ATP8B4: variants seen among roughly 807,000 people sequenced by gnomAD.
ATP8B4 encodes the protein ATPase phospholipid transporting 8B4 (putative), also known as probable phospholipid-transporting ATPase IM.
In ATP8B4, 133 loss-of-function variants were observed where a neutral mutation model predicts 145.6. The observed-to-expected ratio is 0.91, with a 90% CI of 0.79 to 1.05. ATP8B4 has a LOEUF of 1.05. Ranked by LOEUF, ATP8B4 falls within the 50% of genes least tolerant of loss-of-function variation. ATP8B4 has a pLI of 0.00. For synonymous variants in ATP8B4, 507 were observed against 492.9 expected, an observed-to-expected ratio of 1.03 and a Z score of -0.38; for missense variants, 1,458 against 1,425.2, an observed-to-expected ratio of 1.02 and a Z score of -0.37.
chr15:49,939,168 G>A (rs2041964805), intron 14 of ATP8B4, among the ~76,000 whole-genome samples: 1 of 151,046 alleles, frequency 6.6e-6, no homozygotes, highest in Non-Finnish European at 1.5e-5. Context: ...CTCAATTAAT[G>A]ACTTAACGCA....
chr15:49,903,941 C>T (rs2038335026), intron 20 of ATP8B4, among the ~76,000 whole-genome samples: 1 of 151,846 alleles, frequency 6.6e-6, no homozygotes, highest in African/African-American at 2.4e-5. Context: ...GAAACCATGA[C>T]ATCCTGTTTA....
At chr15:50,067,331 C>G (rs993739925) in intron 3 of ATP8B4, among the ~76,000 whole-genome samples, 1 of 152,134 alleles carries the variant, frequency 6.6e-6, no homozygotes, top group Non-Finnish European at 1.5e-5. Context: ...TTTAAACTCT[C>G]TTTTTAAATA....
In ATP8B4 at chr15:49,860,364, C is replaced by A; in HGVS notation, c.3409G>T (p.Gly1137Cys). Residue 1137 changes from glycine (G) to cysteine (C), a missense_variant, in exon 28 of 28, where the codon GGC (glycine) becomes TGC (cysteine). Transcript: ENST00000284509. ...RSGYAFAHQE[G>C]YGELITSGKN... ...CCAGATGTGATAAGCTCTCCATAGC[C>A]TTCTTGGTGAGCAAAAGCATATCCA... is the stretch of plus-strand genomic sequence containing the variant. 1 of 1,614,098 alleles carries A rather than the reference C, an allele frequency of 6.2e-7. No homozygotes were observed. Among genetic ancestry groups the A allele is most frequent in the Admixed American group, 1.7e-5 (1 of 60,016 alleles).
At chr15:49,907,237 G>A (rs2038721496) in intron 20 of ATP8B4, among the ~76,000 whole-genome samples, 1 of 152,182 alleles carries the variant, frequency 6.6e-6, no homozygotes. Context: ...AAAATGCCTA[G>A]TTTAATTGTT....
intron 20 of ATP8B4, among the ~76,000 whole-genome samples, chr15:49,903,404 A>G (rs1185069311): frequency 6.6e-6 from 1 of 152,238 alleles, no homozygotes; most frequent in African/African-American, 2.4e-5. Context: ...GCAGTTTATT[A>G]CAATTCTTGG....
intron 2 of ATP8B4, among the ~76,000 whole-genome samples, chr15:50,077,395 T>C (rs1443816704): frequency 6.6e-6 from 1 of 152,202 alleles, no homozygotes; most frequent in Non-Finnish European, 1.5e-5. Context: ...TAGCAGAGGT[T>C]CATAAATTTT....
chr15:49,925,517 C>T (rs1347243672), intron 16 of ATP8B4, among the ~76,000 whole-genome samples: 1 of 152,140 alleles, frequency 6.6e-6, no homozygotes, highest in Non-Finnish European at 1.5e-5. Flanking sequence ...CTAAGGTTCC[C>T]TGGACCACAC....
At chr15:50,054,797 A>AC (rs1567274378) in intron 3 of ATP8B4, among the ~76,000 whole-genome samples, 18 of 134,090 alleles carry the variant, frequency 1.3e-4, no homozygotes, top group African/African-American at 5.9e-4. Context: ...AAAAAAAAAA[A>AC]AAAAAAAAAA....
chr15:50,124,362 T>C (rs2057293614), intron 1 of ATP8B4, among the ~76,000 whole-genome samples: 1 of 152,286 alleles, frequency 6.6e-6, no homozygotes, highest in East Asian at 1.9e-4. Context: ...TGCCCTTTCC[T>C]GTGTGGGATT....
At chr15:50,149,830 G>A (rs915975726) in intron 1 of ATP8B4, among the ~76,000 whole-genome samples, 4 of 152,220 alleles carry the variant, frequency 2.6e-5, no homozygotes, top group African/African-American at 9.6e-5. Context: ...GCCGGGCACA[G>A]TGGCTCATGC....
chr15:49,986,599 T>C (rs1018725031), intron 10 of ATP8B4, among the ~76,000 whole-genome samples: 1 of 152,202 alleles, frequency 6.6e-6, no homozygotes, highest in Non-Finnish European at 1.5e-5. Flanking sequence ...TTTGTTGTTG[T>C]TGAGGAAGGT....
intron 1 of ATP8B4, among the ~76,000 whole-genome samples, chr15:50,145,221 A>C (rs2044261719): frequency 6.6e-6 from 1 of 152,232 alleles, no homozygotes; most frequent in South Asian, 2.1e-4. Flanking sequence ...TGCATTCAAT[A>C]AAGAGATTTT....
intron 1 of ATP8B4, among the ~76,000 whole-genome samples, chr15:50,181,041 A>G (rs539282734): frequency 6.6e-6 from 1 of 152,266 alleles, no homozygotes; most frequent in African/African-American, 2.4e-5. Flanking sequence ...AAACCCACGA[A>G]TTACTTACCG....
At chr15:50,086,598 C>A (rs1331789879) in intron 2 of ATP8B4, among the ~76,000 whole-genome samples, 16 of 97,462 alleles carry the variant, frequency 1.6e-4, no homozygotes, top group East Asian at 6.1e-4. Context: ...ATATAGAGAT[C>A]TATATTTATT....
chr15:50,176,786 G>A (rs1382610108), intron 1 of ATP8B4, among the ~76,000 whole-genome samples: 1 of 152,146 alleles, frequency 6.6e-6, no homozygotes, highest in African/African-American at 2.4e-5. Context: ...ACTAAAGAGG[G>A]CAAACATCTT....
At chr15:50,052,998 C>G (rs2052308720) in intron 3 of ATP8B4, among the ~76,000 whole-genome samples, 1 of 152,002 alleles carries the variant, frequency 6.6e-6, no homozygotes, top group Non-Finnish European at 1.5e-5. Flanking sequence ...AGTGGTAACA[C>G]AAGAATAGAT....
At position 49,899,675 on chromosome 15, in the gene ATP8B4, A is replaced by G. The variant is rs149769545; in HGVS notation, c.2289+1417T>C. ...TTTTATTATCAGCAAGTGAAAAACT[A>G]TGCTAAGACTCTGAGAAAAAACAAA... On this transcript the variant is annotated intron_variant, in intron 21 of 27. Coordinates refer to ENST00000284509, the MANE Select transcript of ATP8B4 (RefSeq NM_024837.4). Among the ~76,000 whole-genome samples the G allele has an allele frequency of 5.5e-4, 84 of 152,238 alleles. No homozygotes were observed. In the East Asian group the frequency reaches 0.016, roughly 29 times the overall value.
chr15:49,943,226 A>C (rs1275270197), intron 14 of ATP8B4, among the ~76,000 whole-genome samples: 3 of 152,162 alleles, frequency 2.0e-5, no homozygotes, highest in African/African-American at 7.2e-5. Flanking sequence ...ATGGACTCAT[A>C]GGCCACCATT....
At chr15:49,958,603 T>C (rs996845832) in intron 14 of ATP8B4, among the ~76,000 whole-genome samples, 3 of 151,814 alleles carry the variant, frequency 2.0e-5, no homozygotes, top group Admixed American at 2.0e-4. Flanking sequence ...TATGAGTCTT[T>C]TCAAATAAAT....
Sources: allele counts gnomAD v4.1 joint callset (sites outside exome capture counted in the v4.1 genomes callset), GRCh38; gene constraint gnomAD v4.1.1; transcripts MANE v1.5; gene names NCBI Gene and HGNC (gene_info 2026-07-23, HGNC 2026-07-21).